Variants in BIRC6 observed in about 807,000 individuals in gnomAD.
BIRC6 encodes baculoviral IAP repeat containing 6.
BIRC6 carries 98 observed loss-of-function variants against 503.3 expected under a neutral mutation model. The observed-to-expected ratio is 0.19, with a 90% CI of 0.17 to 0.23. The LOEUF is 0.23. BIRC6 is among the 10% of genes least tolerant of loss of function. The probability of loss-of-function intolerance (pLI) is 1.00; values close to 1 mark genes in which losing one functional copy is unlikely to be tolerated. For synonymous variants in BIRC6, 2,240 were observed against 2,078.7 expected (o/e 1.08, Z -2.11); for missense variants, 5,360 against 5,806.0 (o/e 0.92, Z 2.50).
At chr2:32,584,346 A>G (rs1249125652) in intron 66 of BIRC6, among the ~76,000 whole-genome samples, 2 of 152,180 alleles carry the variant, frequency 1.3e-5, no homozygotes, top group African/African-American at 4.8e-5. Flanking sequence ...CCTGGCCAAC[A>G]TGGTGAAACC....
At chr2:32,424,085 A>G (rs2043217608) in intron 10 of BIRC6, among the ~76,000 whole-genome samples, 1 of 152,202 alleles carries the variant, frequency 6.6e-6, no homozygotes. Context: ...TTGGAAAGAA[A>G]AATATTTTAT....
At chr2:32,482,811 G>T (rs866751295) in intron 39 of BIRC6, among the ~76,000 whole-genome samples, 1 of 151,940 alleles carries the variant, frequency 6.6e-6, no homozygotes, top group East Asian at 1.9e-4. Flanking sequence ...TATGGGATTG[G>T]CAATGATTTT....
rs2053647656 is a variant in BIRC6 at position 32,505,051 on chromosome 2, A to G, written c.9546A>G (p.Leu3182=). 2 of 1,613,818 alleles carry G rather than the reference A, an allele frequency of 1.2e-6. No individual in the cohort carries two copies. Among genetic ancestry groups the G allele is most frequent in the Non-Finnish European group, 1.7e-6 (2 of 1,179,816 alleles). ...SSPTAQPAEV[L]LQATPPHRRA... is the part of the protein sequence containing the mutation. ...CTACTGCCCAACCAGCTGAAGTGCT[A>G]TTGCAGGCCACACCTCCTCACAGAA... The change falls in exon 50 of 74, where the codon CTA becomes CTG. Residue 3182 remains leucine (L), a synonymous_variant. Transcript: ENST00000421745.
In BIRC6 at chr2:32,442,575, C is replaced by T. The variant is rs1231005347; in HGVS notation, c.4238+120C>T. 5.1e-6 allele frequency: 6 copies of T among 1,172,498 alleles called. No homozygotes were observed. In the East Asian group the frequency reaches 1.4e-4, roughly 27 times the overall value. The allele number at this position is 1,172,498 out of a possible 1,614,324, so 72.6% of individuals were successfully genotyped here. On this transcript the variant is annotated intron_variant, in intron 19 of 73. Transcript: ENST00000421745. Reference sequence around the variant, plus strand: ...ATGTATGTATAATTTAAGAGAATTTCAAAAGTTGATGAAGATTGTTGATAA... The same window carrying T: ...ATGTATGTATAATTTAAGAGAATTTTAAAAGTTGATGAAGATTGTTGATAA...
intron 73 of BIRC6, among the ~76,000 whole-genome samples, chr2:32,614,859 G>A (rs894200650): frequency 6.6e-6 from 1 of 152,022 alleles, no homozygotes; most frequent in South Asian, 2.1e-4. Context: ...GTATGTAGTT[G>A]TTTAGCTTGA....
At chr2:32,435,708 T>A in intron 14 of BIRC6, 123 bp downstream of exon 14, 1 of 1,035,506 alleles carries the variant, frequency 9.7e-7, no homozygotes, top group South Asian at 2.1e-5. Flanking sequence ...AATTAAAAAA[T>A]AACCTATAAT....
At chr2:32,368,158 C>T (rs1218133243) in intron 1 of BIRC6, among the ~76,000 whole-genome samples, 1 of 152,040 alleles carries the variant, frequency 6.6e-6, no homozygotes, top group African/African-American at 2.4e-5. Flanking sequence ...CTTAAGTGGC[C>T]TGGAGTGCAG....
chr2:32,503,760 T>G (rs1245822185), intron 49 of BIRC6, among the ~76,000 whole-genome samples: 1 of 151,950 alleles, frequency 6.6e-6, no homozygotes, highest in Non-Finnish European at 1.5e-5. Flanking sequence ...CAGTAAAGTT[T>G]GTTTTTATTT....
intron 12 of BIRC6, among the ~76,000 whole-genome samples, chr2:32,433,409 T>C (rs1274793171): frequency 6.6e-6 from 1 of 152,206 alleles, no homozygotes; most frequent in Non-Finnish European, 1.5e-5. Flanking sequence ...GGAATAAGAA[T>C]GTATTGGTAT....
intron 57 of BIRC6, among the ~76,000 whole-genome samples, chr2:32,520,971 C>T (rs2055596996): frequency 6.6e-6 from 1 of 152,110 alleles, no homozygotes; most frequent in Admixed American, 6.5e-5. Context: ...TTAGTCTTTA[C>T]TGTGGAAGAA....
intron 66 of BIRC6, chr2:32,590,781 C>T (rs763478220): frequency 6.1e-6 from 6 of 985,592 alleles, no homozygotes; most frequent in Non-Finnish European, 7.2e-6. Context: ...GTGGAAACTT[C>T]AGTTGCTTCC....
At chr2:32,585,236 A>C (rs908197328) in intron 66 of BIRC6, among the ~76,000 whole-genome samples, 1 of 152,196 alleles carries the variant, frequency 6.6e-6, no homozygotes, top group African/African-American at 2.4e-5. Context: ...GCCTCATTCC[A>C]TACCGATTGT....
intron 23 of BIRC6, among the ~76,000 whole-genome samples, chr2:32,456,936 A>T (rs556740457): frequency 2.0e-5 from 3 of 151,846 alleles, no homozygotes; most frequent in Non-Finnish European, 2.9e-5. Flanking sequence ...ATTATCTTTT[A>T]TTATTATTTT....
chr2:32,431,277 C>A (rs1485032607), intron 12 of BIRC6, among the ~76,000 whole-genome samples, 187 bp downstream of exon 12: 1 of 135,088 alleles, frequency 7.4e-6, no homozygotes, highest in African/African-American at 2.7e-5. Flanking sequence ...CTCACTGCAA[C>A]CACTGCCTCC....
Position 32,499,933 on chromosome 2 carries a change from A to T in BIRC6, c.8855A>T (p.Asp2952Val). The T allele has an allele frequency of 1.2e-6, 2 of 1,613,990 alleles. No homozygotes were observed. Among genetic ancestry groups the T allele is most frequent in the Non-Finnish European group, 1.7e-6 (2 of 1,179,884 alleles). The change falls in exon 46 of 74, where the codon GAT becomes GTT. Residue 2952 changes from aspartate to valine, a missense_variant. By Grantham distance (152) the Asp-to-Val change is radical. This residue lies in a region of BIRC6 where 2,299 missense variants were observed against 2,267.2 expected (regional missense o/e 1.01). Transcript: ENST00000421745. ...GTGTCTGTGACCACAAATACAACAG[A>T]TAGTGTTTCAGATGAAGAAAAAGTC... ...ARVSVTTNTT[D>V]SVSDEEKVSG...
intron 1 of BIRC6, among the ~76,000 whole-genome samples, chr2:32,373,362 A>C (rs1255925958): frequency 2.0e-5 from 3 of 152,250 alleles, no homozygotes; most frequent in Non-Finnish European, 4.4e-5. Context: ...AGTAATCAAT[A>C]TAGCAAAGTA....
At chr2:32,484,470 A>G (rs1021167140) in intron 39 of BIRC6, among the ~76,000 whole-genome samples, 2 of 151,242 alleles carry the variant, frequency 1.3e-5, no homozygotes, top group African/African-American at 2.4e-5. Flanking sequence ...GAGAATTGCT[A>G]TAACCCTGGG....
chr2:32,392,227 C>A, intron 5 of BIRC6, 77 bp downstream of exon 5: 1 of 1,054,540 alleles, frequency 9.5e-7, no homozygotes, highest in South Asian at 1.5e-5. Context: ...ATTTTTTTAA[C>A]TTTTTCAGAA....
intron 37 of BIRC6, among the ~76,000 whole-genome samples, chr2:32,480,677 T>C (rs1387049057): frequency 8.3e-6 from 1 of 120,136 alleles, no homozygotes; most frequent in African/African-American, 3.2e-5. Flanking sequence ...GTCTTGCTCT[T>C]GTCACCCAGG....
Sources: gnomAD v4.1 joint callset for allele counts (sites outside exome capture counted in the v4.1 genomes callset) on GRCh38, gnomAD v4.1.1 for gene constraint, gnomAD v4.1.1 regional missense constraint, MANE v1.5 for transcripts, NCBI Gene and HGNC (gene_info 2026-07-23, HGNC 2026-07-21) for gene names.